The following WNK4 variants were observed in gnomAD, a reference collection of about 807,000 sequenced individuals.
WNK4 encodes the protein WNK lysine deficient protein kinase 4.
In WNK4, 94 loss-of-function variants were observed where a neutral mutation model predicts 116.2. The observed-to-expected ratio is 0.81, with a 90% confidence interval of 0.68 to 0.96. WNK4 has a LOEUF of 0.96. Ranked by LOEUF, WNK4 falls within the 40% of genes least tolerant of loss-of-function variation. The pLI is 0.00. For missense variants in WNK4, 1,542 were observed against 1,650.6 expected (o/e 0.93, Z 1.14); for synonymous variants, 655 against 672.7 (o/e 0.97, Z 0.41).
rs1001645431 is a variant in WNK4, at chr17:42,782,439, C to T, written c.619-319C>T. The stretch of plus-strand genomic sequence containing the variant: ...CTGCCAGCCCCCGGGTGCCCCCTCC[C>T]GCCCCATGGCCGGCCTGGGCAGCCA... On this transcript the variant is annotated intron_variant, in intron 1 of 18. Transcript: ENST00000246914. The surrounding 1 kb of genome is among the most constrained non-coding windows in gnomAD (Gnocchi z 4.2). 2.6e-5 allele frequency among the ~76,000 whole-genome samples: 4 copies of T among 152,270 alleles called. No homozygotes were observed. Among genetic ancestry groups the T allele is most frequent in the South Asian group, 2.1e-4 (1 of 4,838 alleles).
Position 42,785,483 on chromosome 17 carries a change from G to A in WNK4, c.1476+1G>A. On this transcript the variant is annotated splice_donor_variant, in intron 6 of 18. Coordinates refer to ENST00000246914, the MANE Select transcript of WNK4 (RefSeq NM_032387.5). LOFTEE classifies it high-confidence loss of function. ...GGCCGAGGAGGTGGCACAGGAGATG[G>A]TGAGCGGAGGACAGACTGTGCTGCC... 1 of 1,551,960 alleles carries A rather than the reference G, an allele frequency of 6.4e-7. No individual in the cohort carries two copies. The highest frequency in any genetic ancestry group is 8.7e-7 in the Non-Finnish European group (1 of 1,147,102).
intron 11 of WNK4, among the ~76,000 whole-genome samples, chr17:42,789,350 T>C (rs2054585380): frequency 6.6e-6 from 1 of 151,972 alleles, no homozygotes. Flanking sequence ...GATTGTAGAA[T>C]AGACAATGTT....
intron 2 of WNK4, 148 bp downstream of exon 2, chr17:42,783,078 C>G (rs142940431): frequency 2.8e-6 from 3 of 1,087,856 alleles, no homozygotes; most frequent in African/African-American, 3.1e-5. Context: ...GTCCCTGCCT[C>G]GGTGAGTGGC....
At chr17:42,791,850 C>G (rs898031413) in intron 11 of WNK4, among the ~76,000 whole-genome samples, 16 of 151,160 alleles carry the variant, frequency 1.1e-4, no homozygotes, top group African/African-American at 3.9e-4. Context: ...ACTCAAGAGG[C>G]TGATGCAGGA....
Position 42,782,998 on chromosome 17 carries a change from C to G in WNK4, c.791+68C>G. On this transcript the variant is annotated intron_variant, in intron 2 of 18. Coordinates refer to ENST00000246914, the MANE Select transcript of WNK4 (RefSeq NM_032387.5). The surrounding 1 kb of genome is among the most constrained non-coding windows in gnomAD (Gnocchi z 4.2). ...TGTGTGCCCACTGCTTCCTGAACTC[C>G]CAGGCTCCTCAAACTCTCTAATATC... 1 of 1,571,584 alleles carries G rather than the reference C, an allele frequency of 6.4e-7. No individual in the cohort carries two copies. Among genetic ancestry groups the G allele is most frequent in the Non-Finnish European group, 8.7e-7 (1 of 1,155,738 alleles).
Position 42,784,579 on chromosome 17 carries a change from G to A in WNK4, c.1170G>A (p.Ser390=). Residue 390 remains serine (S), a splice_region_variant and synonymous_variant, in exon 4 of 19, where the codon TCG becomes TCA. Transcript: ENST00000246914. This position sits in a 1 kb window ranked among gnomAD's most constrained non-coding sequence, Gnocchi z 4.4. ...CGCAAATCTACCGCAAGGTCACTTCGGTGAGAGGGATGGGGCTGGCGGGAA... is the reference window on the plus strand; with the variant it reads ...CGCAAATCTACCGCAAGGTCACTTCAGTGAGAGGGATGGGGCTGGCGGGAA... ...NAAQIYRKVT[S]GRKPNSFHKV... is the part of the protein sequence containing the mutation. 1.2e-6 allele frequency: 2 copies of A among 1,614,138 alleles called. No homozygotes were observed. Among genetic ancestry groups the A allele is most frequent in the Non-Finnish European group, 1.7e-6 (2 of 1,180,036 alleles).
At chr17:42,790,112 G>C (rs1263545621) in intron 11 of WNK4, among the ~76,000 whole-genome samples, 1 of 152,210 alleles carries the variant, frequency 6.6e-6, no homozygotes, top group African/African-American at 2.4e-5. Context: ...AAATACCTGG[G>C]AGGTAGACCC....
rs1312872871 is a variant in WNK4, at chr17:42,782,196, G to A, written c.619-562G>A. Among the ~76,000 whole-genome samples, 14 of 152,152 alleles carry A rather than the reference G, an allele frequency of 9.2e-5. No homozygotes were observed. The highest frequency in any genetic ancestry group is 2.9e-4 in the African/African-American group (12 of 41,434). ...CCAGGCCAGGAGAGGCAGCCAAATT[G>A]GGGGGTGAGGGGAGGGAGAGGAGCC... On this transcript the variant is annotated intron_variant, in intron 1 of 18. Coordinates refer to ENST00000246914, the MANE Select transcript of WNK4 (RefSeq NM_032387.5). The surrounding 1 kb of genome is among the most constrained non-coding windows in gnomAD (Gnocchi z 4.2).
In WNK4 at chr17:42,796,519, G is replaced by GGCTCC; in HGVS notation, c.3671_3675dup (p.Gln1226AlafsTer11). Reference sequence around the variant, plus strand: ...GAACTCTCTGAGTGGCAGCAGCACCGGCTCCCAGGAGCAGCGGGCAAGCAA... The same window carrying GGCTCC: ...GAACTCTCTGAGTGGCAGCAGCACCGGCTCCGCTCCCAGGAGCAGCGGGCAAGCAA... On this transcript the variant is annotated frameshift_variant, in exon 18 of 19. Transcript: ENST00000246914. LOFTEE classifies it high-confidence loss of function. The GGCTCC allele has an allele frequency of 6.2e-7, 1 of 1,613,946 alleles. No individual in the cohort carries two copies. The highest frequency in any genetic ancestry group is 8.5e-7 in the Non-Finnish European group (1 of 1,179,886).
chr17:42,790,272 A>G (rs1187966746), intron 11 of WNK4, among the ~76,000 whole-genome samples: 2 of 152,212 alleles, frequency 1.3e-5, no homozygotes, highest in African/African-American at 4.8e-5. Flanking sequence ...TAGATGCTCA[A>G]TAAATATTTG....
chr17:42,794,724 G>C, intron 13 of WNK4, 48 bp from the exon 14 acceptor site: 1 of 1,613,870 alleles, frequency 6.2e-7, no homozygotes, highest in Non-Finnish European at 8.5e-7. Context: ...CTCCTGGGAA[G>C]GGCATAGGGC....
rs766370615 is a variant in WNK4 at position 42,788,112 on chromosome 17, AC to A, written c.1864-15del. 3.1e-6 allele frequency: 5 copies of A among 1,613,696 alleles called. No individual in the cohort carries two copies. In the African/African-American group the frequency reaches 6.7e-5, roughly 22 times the overall value. On this transcript the variant is annotated splice_polypyrimidine_tract_variant and intron_variant, in intron 8 of 18. Coordinates refer to ENST00000246914, the MANE Select transcript of WNK4 (RefSeq NM_032387.5). ...CAGTTATCTTCCCCTGACCTCATGA[AC>A]CCTTATCCTGTTTCAGGCTTTTGCC...
In WNK4 at chr17:42,796,007, G is replaced by C; in HGVS notation, c.3405G>C (p.Trp1135Cys). The C allele has an allele frequency of 6.2e-7, 1 of 1,613,854 alleles. No individual in the cohort carries two copies. ...GCAGTGGGGAAGATGAGGAGTTCTG[G>C]GCTGAGCTGCAGAGTCTTCGGCAGA... ...SESSGEDEEF[W>C]AELQSLRQKH... is the part of the protein sequence containing the mutation. Residue 1135 changes from tryptophan to cysteine, a missense_variant, in exon 16 of 19, where the codon TGG becomes TGC. Transcript: ENST00000246914.
chr17:42,794,236 T>A (rs1456261285), intron 12 of WNK4: 2 of 335,890 alleles, frequency 6.0e-6, no homozygotes, highest in African/African-American at 4.2e-5. Context: ...ATACATACTT[T>A]TCTTTTAACT....
At position 42,794,592 on chromosome 17, in the gene WNK4, C is replaced by T. The variant is rs149916060; in HGVS notation, c.2296-22C>T. Reference sequence around the variant, plus strand: ...AGACTGCTCTTCCCCACTGTGACTGCGGACTCCTTTTTCTGCCTCAGGAGG... The same window carrying T: ...AGACTGCTCTTCCCCACTGTGACTGTGGACTCCTTTTTCTGCCTCAGGAGG... On this transcript the variant is annotated intron_variant, in intron 12 of 18. Coordinates refer to ENST00000246914, the MANE Select transcript of WNK4 (RefSeq NM_032387.5). 2.9e-5 allele frequency: 46 copies of T among 1,613,586 alleles called. No individual in the cohort carries two copies. In the Admixed American group the frequency reaches 4.8e-4, roughly 17 times the overall value.
rs371684452 is a variant in WNK4, at chr17:42,793,762, A to G, written c.2295+33A>G. On this transcript the variant is annotated intron_variant, in intron 12 of 18. Transcript: ENST00000246914. ...CCCTTGGTGGACACTTCCAGGGGAA[A>G]TGGACTCTCTGCTCCAGGGTTTATT... is the stretch of plus-strand genomic sequence containing the variant. 3.1e-6 allele frequency: 5 copies of G among 1,612,954 alleles called. No individual in the cohort carries two copies. The South Asian group carries it at 5.5e-5, about 18-fold the overall frequency.
chr17:42,784,537 C>T lies in WNK4; in HGVS notation c.1128C>T (p.Ser376=), dbSNP rs763075218. The change falls in exon 4 of 19, where the codon TCC becomes TCT. Residue 376 remains serine, a synonymous_variant. Transcript: ENST00000246914. The surrounding 1 kb of genome is among the most constrained non-coding windows in gnomAD (Gnocchi z 4.4). ...TGGCCACCTCTGAGTACCCGTACTC[C>T]GAGTGCCAGAATGCCGCGCAAATCT... ...LEMATSEYPY[S]ECQNAAQIYR... The T allele has an allele frequency of 3.7e-6, 6 of 1,614,024 alleles. No homozygotes were observed. In the African/African-American group the frequency reaches 4.0e-5, roughly 11 times the overall value.
intron 7 of WNK4, 92 bp downstream of exon 7, chr17:42,787,634 C>T: frequency 6.3e-7 from 1 of 1,596,236 alleles, no homozygotes; most frequent in South Asian, 1.1e-5. Flanking sequence ...GTCACTTACC[C>T]TGCCTTCCAC....
chr17:42,795,683 G>A lies in WNK4; in HGVS notation c.3081G>A (p.Glu1027=). 1 of 1,613,170 alleles carries A rather than the reference G, an allele frequency of 6.2e-7. No homozygotes were observed. The highest frequency in any genetic ancestry group is 1.1e-5 in the South Asian group (1 of 91,088). ...TGACTTCATCCAAGGAACCGGCTGA[G>A]CCTCTTCCCTTGCAGCCAACATCCC... ...FQVTSSKEPA[E]PLPLQPTSPT... is the part of the protein sequence containing the mutation. The change falls in exon 16 of 19, where the codon GAG becomes GAA. Residue 1027 remains glutamate (E), a synonymous_variant. Coordinates refer to ENST00000246914, the MANE Select transcript of WNK4 (RefSeq NM_032387.5).
Sources: allele counts gnomAD v4.1 joint callset (sites outside exome capture counted in the v4.1 genomes callset), GRCh38; gene constraint gnomAD v4.1.1; non-coding constraint Gnocchi (gnomAD v3.1); transcripts MANE v1.5; gene names NCBI Gene and HGNC (gene_info 2026-07-23, HGNC 2026-07-21).